ABTB3: variants seen among roughly 807,000 people sequenced by gnomAD.
The protein encoded by ABTB3 is ankyrin repeat and BTB domain containing 3.
At chr12:107,611,546 C>T in the ABTB3 span, among the ~76,000 whole-genome samples, 2 of 152,120 alleles carry the variant, frequency 1.3e-5, no homozygotes, top group Admixed American at 6.5e-5. Flanking sequence ...ACTGACCAGG[C>T]GTCAATTGTT....
chr12:107,653,199 G>A, the ABTB3 span, among the ~76,000 whole-genome samples: 3 of 152,176 alleles, frequency 2.0e-5, no homozygotes, highest in African/African-American at 4.8e-5. Flanking sequence ...CGTGAATGAC[G>A]CTCCTATTGC....
the ABTB3 span, among the ~76,000 whole-genome samples, chr12:107,477,427 A>G: frequency 2.6e-5 from 4 of 152,200 alleles, no homozygotes; most frequent in African/African-American, 9.7e-5. Flanking sequence ...CCCCTGCCAG[A>G]TGCATCTTTT....
At chr12:107,378,534 G>A in the ABTB3 span, among the ~76,000 whole-genome samples, 3 of 152,162 alleles carry the variant, frequency 2.0e-5, no homozygotes, top group Admixed American at 6.5e-5. Flanking sequence ...AAGTAAGTAG[G>A]GGAGCTAGGG....
At chr12:107,413,638 G>T in the ABTB3 span, among the ~76,000 whole-genome samples, 3 of 152,204 alleles carry the variant, frequency 2.0e-5, no homozygotes, top group Non-Finnish European at 4.4e-5. Flanking sequence ...AAAAAAAATT[G>T]TCTGGAAGAT....
chr12:107,537,599 C>A, the ABTB3 span, among the ~76,000 whole-genome samples: 181 of 152,236 alleles, frequency 1.2e-3, no homozygotes, highest in African/African-American at 4.1e-3. Flanking sequence ...TTTCCTCCAC[C>A]CTCCCTTGCT....
At chr12:107,462,884 G>T in the ABTB3 span, among the ~76,000 whole-genome samples, 1 of 151,882 alleles carries the variant, frequency 6.6e-6, no homozygotes, top group African/African-American at 2.4e-5. Context: ...TGACAATGAT[G>T]ATGATGGTGG....
the ABTB3 span, among the ~76,000 whole-genome samples, chr12:107,463,787 T>C: frequency 1.0e-3 from 152 of 152,346 alleles, no homozygotes; most frequent in Non-Finnish European, 1.4e-3. Flanking sequence ...ACCCTCATTC[T>C]GCAGATAAAC....
At chr12:107,389,299 A>G in the ABTB3 span, among the ~76,000 whole-genome samples, 4 of 152,242 alleles carry the variant, frequency 2.6e-5, no homozygotes, top group African/African-American at 9.6e-5. Flanking sequence ...CATAATAGCT[A>G]AACATTTTTA....
At chr12:107,326,114 A>G in the ABTB3 span, among the ~76,000 whole-genome samples, 1 of 152,226 alleles carries the variant, frequency 6.6e-6, no homozygotes. Context: ...CATGCTGGCC[A>G]GGCTGGTTTC....
At chr12:107,481,424 C>A in the ABTB3 span, among the ~76,000 whole-genome samples, 2 of 152,174 alleles carry the variant, frequency 1.3e-5, no homozygotes, top group African/African-American at 4.8e-5. Flanking sequence ...CACCAGGTTG[C>A]ATCTCCCCCT....
the ABTB3 span, among the ~76,000 whole-genome samples, chr12:107,554,574 G>A: frequency 2.9e-4 from 44 of 152,276 alleles, no homozygotes; most frequent in Non-Finnish European, 5.7e-4. Flanking sequence ...CCTTTTTATA[G>A]ATAATAGCCG....
chr12:107,471,061 C>T, the ABTB3 span, among the ~76,000 whole-genome samples: 8 of 152,192 alleles, frequency 5.3e-5, no homozygotes, highest in African/African-American at 1.4e-4. Flanking sequence ...TAAATTGCTG[C>T]GTGGCTTGAT....
the ABTB3 span, among the ~76,000 whole-genome samples, chr12:107,335,056 T>C: frequency 1.3e-5 from 2 of 151,564 alleles, no homozygotes; most frequent in Non-Finnish European, 2.9e-5. Context: ...GAGTCCAAGG[T>C]GGGAGGATTG....
At chr12:107,353,591 A>G in the ABTB3 span, among the ~76,000 whole-genome samples, 1 of 152,164 alleles carries the variant, frequency 6.6e-6, no homozygotes, top group Non-Finnish European at 1.5e-5. Context: ...TGAGGCATAT[A>G]AAGTGCTTAG....
the ABTB3 span, among the ~76,000 whole-genome samples, chr12:107,331,655 G>A: frequency 4.6e-5 from 7 of 152,188 alleles, no homozygotes; most frequent in Non-Finnish European, 1.0e-4. Context: ...GGTGATTGGA[G>A]CTCCTCCTTC....
the ABTB3 span, among the ~76,000 whole-genome samples, chr12:107,543,491 G>A: frequency 1.3e-5 from 2 of 152,138 alleles, no homozygotes; most frequent in Non-Finnish European, 2.9e-5. Flanking sequence ...GAGAAGAAGA[G>A]GGAGAGAATG....
chr12:107,525,101 G>A, the ABTB3 span, among the ~76,000 whole-genome samples: 5 of 151,982 alleles, frequency 3.3e-5, no homozygotes, highest in East Asian at 5.8e-4. Flanking sequence ...TGATGTGAGC[G>A]GATTGCTTGA....
the ABTB3 span, among the ~76,000 whole-genome samples, chr12:107,604,699 A>G: frequency 6.6e-6 from 1 of 152,256 alleles, no homozygotes; most frequent in Non-Finnish European, 1.5e-5. Context: ...TATGGAAAAC[A>G]GAACAGAAAT....
chr12:107,625,828 C>G, the ABTB3 span, among the ~76,000 whole-genome samples: 1 of 152,142 alleles, frequency 6.6e-6, no homozygotes, highest in Non-Finnish European at 1.5e-5. Flanking sequence ...ACTTGACCTT[C>G]GATGACACCA....
Sources: gnomAD v4.1 joint callset for allele counts (sites outside exome capture counted in the v4.1 genomes callset) on GRCh38, gnomAD v4.1.1 for gene constraint, MANE v1.5 for transcripts, NCBI Gene and HGNC (gene_info 2026-07-23, HGNC 2026-07-21) for gene names.